RUSC2: variants seen among roughly 807,000 people sequenced by gnomAD.
RUSC2 encodes AP-4 complex accessory subunit RUSC2.
Under a neutral mutation model 122.2 loss-of-function variants are expected in RUSC2, and 34 were observed. That is an observed-to-expected ratio of 0.28 (90% CI 0.21 to 0.37). RUSC2 has a LOEUF of 0.37. Among genes scored for constraint, RUSC2 ranks in the 10% least tolerant of loss-of-function variants. The pLI, the probability that RUSC2 is intolerant of heterozygous loss-of-function variation, is 1.00. For missense variants in RUSC2, 1,747 were observed against 1,952.4 expected (o/e 0.89, Z 1.98); for synonymous variants, 784 against 790.0 (o/e 0.99, Z 0.13).
chr9:35,514,779 TG>T (rs1821072756), intron 1 of RUSC2, among the ~76,000 whole-genome samples: 1 of 152,178 alleles, frequency 6.6e-6, no homozygotes, highest in Admixed American at 6.5e-5. Flanking sequence ...TCCAGTTTTT[TG>T]CTCGGCTATC....
intron 1 of RUSC2, among the ~76,000 whole-genome samples, chr9:35,537,509 C>T (rs546241528): frequency 3.9e-5 from 6 of 152,306 alleles, no homozygotes; most frequent in African/African-American, 1.2e-4. Context: ...GATCAAGGGG[C>T]CATGGCTGCT....
chr9:35,505,414 T>G (rs1820896242), intron 1 of RUSC2, among the ~76,000 whole-genome samples: 1 of 152,158 alleles, frequency 6.6e-6, no homozygotes, highest in Non-Finnish European at 1.5e-5. Context: ...CCTCTAACAG[T>G]TCAGTCATTT....
intron 1 of RUSC2, among the ~76,000 whole-genome samples, chr9:35,541,279 G>A (rs1821636757): frequency 6.6e-6 from 1 of 151,952 alleles, no homozygotes; most frequent in South Asian, 2.1e-4. Flanking sequence ...TCTCCATTTA[G>A]TCAGGGCAGA....
At chr9:35,496,371 G>T (rs1010277129) in intron 1 of RUSC2, among the ~76,000 whole-genome samples, 5 of 152,146 alleles carry the variant, frequency 3.3e-5, no homozygotes, top group African/African-American at 1.2e-4. Context: ...ACAAAGCTCG[G>T]TGCATTAAAT....
In RUSC2 at chr9:35,558,145, G is replaced by A; in HGVS notation, c.3061-52G>A. Reference sequence around the variant, plus strand: ...GAACCATGAGGGCCTGCTACGAGAGGACCACAGTCAGGCCTGAGGGGGTTT... The same window carrying A: ...GAACCATGAGGGCCTGCTACGAGAGAACCACAGTCAGGCCTGAGGGGGTTT... On this transcript the variant is annotated intron_variant, in intron 6 of 11. Coordinates refer to ENST00000361226, the MANE Select transcript of RUSC2 (RefSeq NM_014806.5). This position sits in a 1 kb window ranked among gnomAD's most constrained non-coding sequence, Gnocchi z 4.3. 2 of 1,597,214 alleles carry A rather than the reference G, an allele frequency of 1.3e-6. No individual in the cohort carries two copies. The highest frequency in any genetic ancestry group is 2.2e-5 in the East Asian group (1 of 44,676).
intron 1 of RUSC2, among the ~76,000 whole-genome samples, chr9:35,543,070 T>G (rs941864675): frequency 1.3e-5 from 2 of 152,112 alleles, no homozygotes; most frequent in Non-Finnish European, 2.9e-5. Context: ...AGACTCGGGA[T>G]TATGGCCAGG....
chr9:35,502,560 A>G (rs920439220), intron 1 of RUSC2, among the ~76,000 whole-genome samples: 7 of 152,242 alleles, frequency 4.6e-5, no homozygotes, highest in African/African-American at 7.2e-5. Flanking sequence ...CTTGAAAGTT[A>G]AAAAATTTTT....
At chr9:35,556,688 G>A (rs1822028699) in intron 5 of RUSC2, among the ~76,000 whole-genome samples, 1 of 152,220 alleles carries the variant, frequency 6.6e-6, no homozygotes, top group African/African-American at 2.4e-5. Flanking sequence ...TTAGCTGGGT[G>A]TTGTGGTGGG....
chr9:35,524,881 G>C (rs990716959), intron 1 of RUSC2, among the ~76,000 whole-genome samples: 1 of 151,798 alleles, frequency 6.6e-6, no homozygotes, highest in Non-Finnish European at 1.5e-5. Flanking sequence ...TGAGGCAGGA[G>C]AATGGCGTGA....
intron 1 of RUSC2, among the ~76,000 whole-genome samples, chr9:35,490,860 C>T (rs779815089): frequency 2.0e-5 from 3 of 152,216 alleles, no homozygotes; most frequent in Non-Finnish European, 4.4e-5. Context: ...GCCCTGCGGA[C>T]ACGGGGAACT....
intron 1 of RUSC2, among the ~76,000 whole-genome samples, chr9:35,493,768 G>T (rs1820615952): frequency 6.6e-6 from 1 of 152,144 alleles, no homozygotes; most frequent in African/African-American, 2.4e-5. Flanking sequence ...CTCCCAAAGT[G>T]CTGGGATTAC....
intron 1 of RUSC2, among the ~76,000 whole-genome samples, chr9:35,544,364 G>A (rs551250248): frequency 7.2e-6 from 1 of 138,108 alleles, no homozygotes; most frequent in Non-Finnish European, 1.5e-5. Flanking sequence ...CTGGAGTGCT[G>A]TGGCATGATC....
At position 35,513,190 on chromosome 9, in the gene RUSC2, TTTGTTGTTGTTGTTGTTG is replaced by T. The variant is rs147038968; in HGVS notation, c.-93+23043_-93+23060del. On this transcript the variant is annotated intron_variant, in intron 1 of 11. Coordinates refer to ENST00000361226, the MANE Select transcript of RUSC2 (RefSeq NM_014806.5). ...TTTGGACTTGAGAATTATACTTTGT[TTTGTTGTTGTTGTTGTTG>T]TTGTTGTTGTTGTTGTTGTTGTTGC... is the stretch of plus-strand genomic sequence containing the variant. Among the ~76,000 whole-genome samples, 382 of 149,772 alleles carry T rather than the reference TTTGTTGTTGTTGTTGTTG, an allele frequency of 2.6e-3. 4 individuals carry two copies. Among genetic ancestry groups the T allele is most frequent in the African/African-American group, 9.0e-3 (367 of 40,888 alleles).
intron 1 of RUSC2, among the ~76,000 whole-genome samples, chr9:35,533,487 C>A (rs1337408188): frequency 6.6e-6 from 1 of 152,184 alleles, no homozygotes; most frequent in Non-Finnish European, 1.5e-5. Context: ...AATTGACATA[C>A]CATACATTTT....
At chr9:35,493,945 G>C (rs889345723) in intron 1 of RUSC2, among the ~76,000 whole-genome samples, 5 of 152,148 alleles carry the variant, frequency 3.3e-5, no homozygotes, top group African/African-American at 1.2e-4. Flanking sequence ...TGAGTGTACA[G>C]ATATGTTTGA....
chr9:35,554,911 C>A (rs1821974955), intron 2 of RUSC2, 149 bp from the exon 3 acceptor site: 1 of 788,848 alleles, frequency 1.3e-6, no homozygotes, highest in East Asian at 2.6e-5. Context: ...AAGAGGGGAG[C>A]AGTGTCCCAT....
intron 1 of RUSC2, chr9:35,539,157 C>A (rs1018084592): frequency 1.4e-5 from 2 of 147,964 alleles, no homozygotes; most frequent in African/African-American, 5.0e-5. Flanking sequence ...TGCTAGGATA[C>A]CGATCAGCAC....
chr9:35,500,906 G>C (rs1370000351), intron 1 of RUSC2, among the ~76,000 whole-genome samples: 2 of 152,166 alleles, frequency 1.3e-5, no homozygotes, highest in Admixed American at 1.3e-4. Context: ...ATAGTGGCTG[G>C]AGAAAGGAGG....
chr9:35,532,468 G>C (rs867406375), intron 1 of RUSC2, among the ~76,000 whole-genome samples: 66 of 152,308 alleles, frequency 4.3e-4, no homozygotes, highest in African/African-American at 1.4e-3. Context: ...AAAGGGGTTG[G>C]GTTTGATGGC....
Sources: allele counts gnomAD v4.1 joint callset (sites outside exome capture counted in the v4.1 genomes callset), GRCh38; gene constraint gnomAD v4.1.1; non-coding constraint Gnocchi (gnomAD v3.1); transcripts MANE v1.5; gene names NCBI Gene and HGNC (gene_info 2026-07-23, HGNC 2026-07-21).